The following GALNT13 variants were observed in gnomAD, a reference collection of about 807,000 sequenced individuals.
GALNT13 encodes the protein UDP-GalNAc:polypeptide N-acetylgalactosaminyltransferase 13.
GALNT13 carries 28 observed loss-of-function variants against 64.2 expected under a neutral mutation model. The ratio of observed to expected loss-of-function variants is 0.44; its 90% CI spans 0.32 to 0.60. The LOEUF is 0.60. Ranked by LOEUF, GALNT13 falls within the 20% of genes least tolerant of loss-of-function variation. The pLI, the probability that GALNT13 is intolerant of heterozygous loss-of-function variation, is 0.05. For synonymous variants in GALNT13, 214 were observed against 224.6 expected (o/e 0.95, Z 0.42); for missense variants, 577 against 669.8 (o/e 0.86, Z 1.53).
chr2:153,475,753 T>G, the GALNT13 span, among the ~76,000 whole-genome samples: 2 of 152,212 alleles, frequency 1.3e-5, no homozygotes, highest in Admixed American at 1.3e-4. Context: ...ACCAGAGTAC[T>G]GGATTCACAG....
At chr2:153,201,890 C>T in the GALNT13 span, among the ~76,000 whole-genome samples, 3 of 151,700 alleles carry the variant, frequency 2.0e-5, no homozygotes, top group Admixed American at 6.6e-5. Flanking sequence ...TCCAGATCTT[C>T]GTCTCTATAC....
chr2:153,958,677 C>G (rs1170018314), intron 3 of GALNT13, among the ~76,000 whole-genome samples: 1 of 152,130 alleles, frequency 6.6e-6, no homozygotes, highest in Admixed American at 6.5e-5. Flanking sequence ...TGCTTTTTCC[C>G]TTTTACATTC....
chr2:154,232,541 T>C (rs1336166034), intron 4 of GALNT13, among the ~76,000 whole-genome samples: 3 of 152,178 alleles, frequency 2.0e-5, no homozygotes, highest in African/African-American at 7.2e-5. Flanking sequence ...CATCTTTATT[T>C]ACCATGTGGC....
chr2:153,230,284 T>G, the GALNT13 span, among the ~76,000 whole-genome samples: 1 of 152,206 alleles, frequency 6.6e-6, no homozygotes, highest in Non-Finnish European at 1.5e-5. Context: ...ACAAAGAATA[T>G]TGTATATGAC....
At chr2:154,312,028 G>A (rs946759042) in intron 9 of GALNT13, among the ~76,000 whole-genome samples, 20 of 152,090 alleles carry the variant, frequency 1.3e-4, no homozygotes, top group Admixed American at 9.2e-4. Context: ...TGTAGTTAAC[G>A]CAATTATTAC....
chr2:153,840,499 C>G, the GALNT13 span, among the ~76,000 whole-genome samples: 1 of 151,958 alleles, frequency 6.6e-6, no homozygotes, highest in Admixed American at 6.6e-5. Context: ...TAATAAACCA[C>G]AAAATTCTGA....
chr2:154,158,893 C>G (rs1316012426), intron 4 of GALNT13, among the ~76,000 whole-genome samples: 2 of 151,922 alleles, frequency 1.3e-5, no homozygotes, highest in Non-Finnish European at 2.9e-5. Context: ...CATTTATCAT[C>G]TCTCTAAATT....
chr2:153,208,117 C>A, the GALNT13 span: 1 of 17,712 alleles, frequency 5.6e-5, no homozygotes, highest in Admixed American at 4.2e-4. Flanking sequence ...GCAGTCAGAT[C>A]TTAAGAGGGC....
chr2:153,071,218 AAC>A, the GALNT13 span, among the ~76,000 whole-genome samples: 1 of 152,224 alleles, frequency 6.6e-6, no homozygotes, highest in Non-Finnish European at 1.5e-5. Context: ...TGTGAGTAAA[AAC>A]ACAAGGAATT....
At chr2:153,422,176 T>C in the GALNT13 span, among the ~76,000 whole-genome samples, 1 of 152,340 alleles carries the variant, frequency 6.6e-6, no homozygotes, top group South Asian at 2.1e-4. Flanking sequence ...AATCAAAATG[T>C]GTGGGATTTG....
At chr2:153,656,134 A>G in the GALNT13 span, among the ~76,000 whole-genome samples, 1 of 152,170 alleles carries the variant, frequency 6.6e-6, no homozygotes, top group Non-Finnish European at 1.5e-5. Context: ...AATGCTGTCA[A>G]TAGGCTTGCT....
intron 12 of GALNT13, among the ~76,000 whole-genome samples, chr2:154,439,105 A>T (rs1258122436): frequency 6.6e-6 from 1 of 152,186 alleles, no homozygotes; most frequent in Admixed American, 6.5e-5. Flanking sequence ...TACAATACTA[A>T]TCACTGACAT....
chr2:154,060,217 T>C (rs796146847), intron 3 of GALNT13, among the ~76,000 whole-genome samples: 13 of 152,240 alleles, frequency 8.5e-5, no homozygotes, highest in African/African-American at 3.1e-4. Flanking sequence ...GGAAAATAAA[T>C]GTTGTTTAAG....
At chr2:153,510,397 A>G in the GALNT13 span, among the ~76,000 whole-genome samples, 3 of 152,220 alleles carry the variant, frequency 2.0e-5, no homozygotes, top group African/African-American at 7.2e-5. Context: ...AGTGTCTAGG[A>G]TAAGCCAGGA....
chr2:153,242,133 T>C, the GALNT13 span, among the ~76,000 whole-genome samples: 6 of 152,288 alleles, frequency 3.9e-5, no homozygotes, highest in East Asian at 9.7e-4. Context: ...GCTCTAGATT[T>C]CTGGGAAAAG....
chr2:153,159,671 T>A, the GALNT13 span: 5 of 152,250 alleles, frequency 3.3e-5, no homozygotes, highest in Non-Finnish European at 7.3e-5. Context: ...GCATTGCTGA[T>A]CAAAAGTTGT....
chr2:153,316,698 C>T, the GALNT13 span, among the ~76,000 whole-genome samples: 1 of 150,114 alleles, frequency 6.7e-6, no homozygotes, highest in Admixed American at 6.7e-5. Flanking sequence ...TTCATAAAAC[C>T]CCCAAGCTAG....
the GALNT13 span, among the ~76,000 whole-genome samples, chr2:153,414,824 A>AAC: frequency 6.6e-6 from 1 of 152,134 alleles, no homozygotes; most frequent in South Asian, 2.1e-4. Flanking sequence ...TGTACCATTG[A>AAC]AAGGTTACAA....
intron 9 of GALNT13, among the ~76,000 whole-genome samples, chr2:154,322,721 T>A (rs1211533742): frequency 6.6e-6 from 1 of 152,198 alleles, no homozygotes; most frequent in East Asian, 1.9e-4. Context: ...ACCCCAAAAC[T>A]TAGTGGCTTA....
Sources: allele counts gnomAD v4.1 joint callset (sites outside exome capture counted in the v4.1 genomes callset), GRCh38; gene constraint gnomAD v4.1.1; transcripts MANE v1.5; gene names NCBI Gene and HGNC (gene_info 2026-07-23, HGNC 2026-07-21).